PCDHGA10: variants seen among roughly 807,000 people sequenced by gnomAD.
PCDHGA10 encodes the protein protocadherin gamma-A10.
In PCDHGA10, 42 loss-of-function variants were observed where a neutral mutation model predicts 59.5. The observed-to-expected ratio is 0.71, with a 90% CI of 0.55 to 0.91. The LOEUF (loss-of-function observed/expected upper bound fraction) is 0.91, where lower values mean the gene tolerates loss of function less well. PCDHGA10 is among the 40% of genes least tolerant of loss of function. PCDHGA10 has a pLI of 0.00. For synonymous variants in PCDHGA10, 511 were observed against 517.2 expected (o/e 0.99, Z 0.16); for missense variants, 1,111 against 1,198.2 (o/e 0.93, Z 1.07).
intron 3 of PCDHGA10, among the ~76,000 whole-genome samples, chr5:141,506,417 A>C (rs1326078146): frequency 6.8e-6 from 1 of 147,658 alleles, no homozygotes; most frequent in Non-Finnish European, 1.5e-5. Context: ...ACTGCACTCC[A>C]GCCTGGGCAA....
chr5:141,455,905 T>TTATG (rs2098836561), intron 1 of PCDHGA10, among the ~76,000 whole-genome samples: 1 of 148,340 alleles, frequency 6.7e-6, no homozygotes, highest in Admixed American at 6.7e-5. Flanking sequence ...ATTTATTTAT[T>TTATG]TATTTATTTT....
In PCDHGA10 at chr5:141,415,272, A is replaced by G. The variant is rs771588742; in HGVS notation, c.2097A>G (p.Val699=). 21 of 1,614,208 alleles carry G rather than the reference A, an allele frequency of 1.3e-5. No individual in the cohort carries two copies. Among genetic ancestry groups the G allele is most frequent in the African/African-American group, 9.3e-5 (7 of 75,074 alleles). ...CAGACCTCACTCTGTACCTGGTGGT[A>G]GCGGTGGCCGCGGTCTCCTGCGTCT... is the stretch of plus-strand genomic sequence containing the variant. The part of the protein sequence containing the change: ...ETSDLTLYLV[V]AVAAVSCVFL... The change falls in exon 1 of 4, where the codon GTA becomes GTG. Residue 699 remains valine, a synonymous_variant. Transcript: ENST00000398610.
rs1263728099 is a variant in PCDHGA10, at chr5:141,476,079, G to T, written c.2437-18728G>T. Reference sequence around the variant, plus strand: ...AGTTTCTCAGCGAAATCTCAGGGACGATCTGGACCCCGCTGAGAGGAACTG... The same window carrying T: ...AGTTTCTCAGCGAAATCTCAGGGACTATCTGGACCCCGCTGAGAGGAACTG... On this transcript the variant is annotated intron_variant, in intron 1 of 3. Coordinates refer to ENST00000398610, the MANE Select transcript of PCDHGA10 (RefSeq NM_018913.3). This position sits in a 1 kb window ranked among gnomAD's most constrained non-coding sequence, Gnocchi z 7.6. 3 of 1,537,560 alleles carry T rather than the reference G, an allele frequency of 2.0e-6. No homozygotes were observed. Among genetic ancestry groups the T allele is most frequent in the African/African-American group, 1.4e-5 (1 of 72,808 alleles).
Position 141,489,569 on chromosome 5 carries a change from C to T in PCDHGA10, c.2437-5238C>T. On this transcript the variant is annotated intron_variant, in intron 1 of 3. Coordinates refer to ENST00000398610, the MANE Select transcript of PCDHGA10 (RefSeq NM_018913.3). This position sits in a 1 kb window ranked among gnomAD's most constrained non-coding sequence, Gnocchi z 4.5. ...TGCCTGCTGCCAGTGCAGGTGGTGACTGAACACCCCCTGGAGCTAATCCGT... is the reference window on the plus strand; with the variant it reads ...TGCCTGCTGCCAGTGCAGGTGGTGATTGAACACCCCCTGGAGCTAATCCGT... 6.2e-7 allele frequency: 1 copy of T among 1,614,024 alleles called. No homozygotes were observed. The highest frequency in any genetic ancestry group is 2.2e-5 in the East Asian group (1 of 44,870).
At chr5:141,448,086 TA>T (rs558292628) in intron 1 of PCDHGA10, among the ~76,000 whole-genome samples, 67 of 146,274 alleles carry the variant, frequency 4.6e-4, no homozygotes, top group African/African-American at 8.0e-4. Context: ...AATGCCATCT[TA>T]AAAAAAAAAA....
Position 141,485,089 on chromosome 5 carries a change from G to A in PCDHGA10, c.2437-9718G>A. The stretch of plus-strand genomic sequence containing the variant: ...GAGCTGGCGCGGGGAAAGGGAGATA[G>A]GTGTCTCCAGCTGCTGTGGCTGTTT... On this transcript the variant is annotated intron_variant, in intron 1 of 3. Coordinates refer to ENST00000398610, the MANE Select transcript of PCDHGA10 (RefSeq NM_018913.3). This position sits in a 1 kb window ranked among gnomAD's most constrained non-coding sequence, Gnocchi z 5.7. 1 of 1,027,236 alleles carries A rather than the reference G, an allele frequency of 9.7e-7. No homozygotes were observed. The highest frequency in any genetic ancestry group is 1.5e-6 in the Non-Finnish European group (1 of 674,564). 63.6% of individuals were successfully genotyped at this position (1,027,236 alleles called of 1,614,324 possible). A position where few individuals can be genotyped will look rare whatever the true frequency, so the allele number is the denominator to read the frequency against.
intron 1 of PCDHGA10, among the ~76,000 whole-genome samples, chr5:141,425,919 G>C (rs11167745): frequency 0.3 from 45,848 of 152,124 alleles, 8,179 homozygotes; most frequent in African/African-American, 0.5. Context: ...CAGTCACTAC[G>C]AAAACTCATA....
chr5:141,422,901 C>T (rs768086403), intron 1 of PCDHGA10: 5 of 1,614,276 alleles, frequency 3.1e-6, no homozygotes, highest in Non-Finnish European at 4.2e-6. Context: ...ACCAGAACGA[C>T]AATGCGCCCG....
At position 141,431,108 on chromosome 5, in the gene PCDHGA10, T is replaced by C; in HGVS notation, c.2436+15497T>C. 1 of 1,614,180 alleles carries C rather than the reference T, an allele frequency of 6.2e-7. No homozygotes were observed. The highest frequency in any genetic ancestry group is 8.5e-7 in the Non-Finnish European group (1 of 1,180,032). On this transcript the variant is annotated intron_variant, in intron 1 of 3. Coordinates refer to ENST00000398610, the MANE Select transcript of PCDHGA10 (RefSeq NM_018913.3). This position sits in a 1 kb window ranked among gnomAD's most constrained non-coding sequence, Gnocchi z 4.8. ...TCTGATGGAGGATAAAGTGAAAATATATGGAGTAGAAGTAGAAGTAAGGGA... is the reference window on the plus strand; with the variant it reads ...TCTGATGGAGGATAAAGTGAAAATACATGGAGTAGAAGTAGAAGTAAGGGA...
intron 2 of PCDHGA10, among the ~76,000 whole-genome samples, chr5:141,502,686 C>T (rs2099815631): frequency 6.6e-6 from 1 of 152,136 alleles, no homozygotes; most frequent in Admixed American, 6.5e-5. Flanking sequence ...CCCTGATGAT[C>T]CTTGCCTGTA....
chr5:141,454,385 T>C (rs1168439343), intron 1 of PCDHGA10, among the ~76,000 whole-genome samples: 5 of 152,194 alleles, frequency 3.3e-5, no homozygotes, highest in Non-Finnish European at 7.4e-5. Flanking sequence ...CTTGTCAAGA[T>C]GAAGAAAAGG....
intron 1 of PCDHGA10, among the ~76,000 whole-genome samples, chr5:141,444,933 G>A (rs1004890599): frequency 3.3e-5 from 5 of 152,152 alleles, no homozygotes; most frequent in African/African-American, 1.2e-4. Context: ...AAAGAGGGAA[G>A]GAGGGAGGAG....
chr5:141,433,397 A>ATCTG (rs1179042498), intron 1 of PCDHGA10, among the ~76,000 whole-genome samples: 9 of 150,410 alleles, frequency 6.0e-5, no homozygotes, highest in Non-Finnish European at 1.0e-4. Context: ...CTATCTATCT[A>ATCTG]TCTATCTATT....
rs1173375966 is a variant in PCDHGA10, at chr5:141,511,162, GAGA to G, written c.2806_2808del (p.Lys936del). 16 of 1,614,044 alleles carry G rather than the reference GAGA, an allele frequency of 9.9e-6. No individual in the cohort carries two copies. The highest frequency in any genetic ancestry group is 5.5e-5 in the South Asian group (5 of 91,078). On this transcript the variant is annotated inframe_deletion, in exon 4 of 4. Transcript: ENST00000398610. The stretch of plus-strand genomic sequence containing the variant: ...CAACAAGAAGAAGTCGGGCAAGAAG[GAGA>G]AGAAGTAACATGGAGGCCAGGCCAA...
chr5:141,420,415 T>G, intron 1 of PCDHGA10: 1 of 1,217,298 alleles, frequency 8.2e-7, no homozygotes, highest in Non-Finnish European at 1.1e-6. Flanking sequence ...TTATCATTAT[T>G]AAAACAAAAG....
At chr5:141,505,127 A>C (rs926566427) in intron 2 of PCDHGA10, among the ~76,000 whole-genome samples, 1 of 152,158 alleles carries the variant, frequency 6.6e-6, no homozygotes, top group Non-Finnish European at 1.5e-5. Context: ...GCGCCACTGC[A>C]CTCCAGCCTG....
intron 1 of PCDHGA10, chr5:141,417,070 G>A (rs1324168481): frequency 6.6e-6 from 1 of 151,864 alleles, no homozygotes; most frequent in Non-Finnish European, 1.5e-5. Flanking sequence ...TGTAGCTATT[G>A]TGAGAAAATA....
intron 2 of PCDHGA10, among the ~76,000 whole-genome samples, chr5:141,497,865 A>G (rs1248242691): frequency 2.0e-5 from 3 of 152,168 alleles, no homozygotes; most frequent in Admixed American, 2.0e-4. Flanking sequence ...CAGCGGCTCC[A>G]AAGTGAAATA....
chr5:141,428,479 T>A (rs577865239), intron 1 of PCDHGA10: 1 of 328,682 alleles, frequency 3.0e-6, no homozygotes, highest in African/African-American at 2.1e-5. Flanking sequence ...TTTGCTTTAT[T>A]CCTGCAATCT....
Sources: allele counts gnomAD v4.1 joint callset (sites outside exome capture counted in the v4.1 genomes callset), GRCh38; gene constraint gnomAD v4.1.1; non-coding constraint Gnocchi (gnomAD v3.1); transcripts MANE v1.5; gene names NCBI Gene and HGNC (gene_info 2026-07-23, HGNC 2026-07-21).